The following USP15 variants were observed in gnomAD, a reference collection of about 807,000 sequenced individuals.
The protein encoded by USP15 is ubiquitin specific peptidase 15, also known as ubiquitin carboxyl-terminal hydrolase 15.
USP15 carries 18 observed loss-of-function variants against 127.1 expected under a neutral mutation model. That is an observed-to-expected ratio of 0.14 (90% CI 0.10 to 0.21). The LOEUF is 0.21. Ranked by LOEUF, USP15 falls within the 10% of genes least tolerant of loss-of-function variation. The pLI, the probability that USP15 is intolerant of heterozygous loss-of-function variation, is 1.00. For missense variants in USP15, 805 were observed against 1,159.9 expected (o/e 0.69, Z 4.44); for synonymous variants, 364 against 393.7 (o/e 0.92, Z 0.89).
chr12:62,401,544 G>A (rs187960466), intron 21 of USP15, among the ~76,000 whole-genome samples: 400 of 151,876 alleles, frequency 2.6e-3, no homozygotes, highest in Non-Finnish European at 4.2e-3. Flanking sequence ...AAATAATTAA[G>A]TTTTGCTTTG....
chr12:62,302,957 T>G (rs1256486128), intron 3 of USP15, 37 bp downstream of exon 3: 1 of 1,582,062 alleles, frequency 6.3e-7, no homozygotes, highest in Non-Finnish European at 8.6e-7. Context: ...AATATTATTT[T>G]TCTTGATTAG....
intron 21 of USP15, among the ~76,000 whole-genome samples, chr12:62,402,247 TAGAG>T (rs1002721676): frequency 8.6e-5 from 13 of 151,352 alleles, no homozygotes; most frequent in East Asian, 3.9e-4. Flanking sequence ...ATGATATATA[TAGAG>T]AGAGAGAGAT....
intron 1 of USP15, 82 bp from the exon 2 acceptor site, chr12:62,294,097 G>A: frequency 7.0e-7 from 1 of 1,429,016 alleles, no homozygotes; most frequent in Non-Finnish European, 9.5e-7. Flanking sequence ...TAATATAAAA[G>A]GAAATATCAA....
At chr12:62,267,697 T>C (rs2063230697) in intron 1 of USP15, among the ~76,000 whole-genome samples, 1 of 152,128 alleles carries the variant, frequency 6.6e-6, no homozygotes, top group Admixed American at 6.5e-5. Flanking sequence ...TAGCAAGGAC[T>C]TCTTTGTGAA....
chr12:62,328,648 T>A (rs1269083667), intron 6 of USP15, among the ~76,000 whole-genome samples: 1 of 151,222 alleles, frequency 6.6e-6, no homozygotes, highest in African/African-American at 2.4e-5. Flanking sequence ...CTGTTCAAAA[T>A]TTTTTTTTTC....
chr12:62,304,541 C>T (rs2064417443), intron 3 of USP15: 1 of 261,912 alleles, frequency 3.8e-6, no homozygotes, highest in African/African-American at 2.2e-5. Context: ...GTGTCTGAAG[C>T]CCAACTTTCA....
intron 8 of USP15, among the ~76,000 whole-genome samples, chr12:62,380,126 G>A (rs2066946061): frequency 6.6e-6 from 1 of 151,814 alleles, no homozygotes. Flanking sequence ...TATTTTCGTT[G>A]CCTAAGAATT....
intron 7 of USP15, among the ~76,000 whole-genome samples, chr12:62,354,706 A>G (rs1200728954): frequency 1.3e-5 from 2 of 151,980 alleles, no homozygotes; most frequent in Non-Finnish European, 2.9e-5. Context: ...AGAAACCAAA[A>G]GAAAGAAAAG....
At chr12:62,364,786 C>T (rs1336983863) in intron 8 of USP15, among the ~76,000 whole-genome samples, 1 of 151,900 alleles carries the variant, frequency 6.6e-6, no homozygotes, top group African/African-American at 2.4e-5. Context: ...TTTTCAACTC[C>T]CACTTATGAG....
rs1565926257 is a variant in USP15 at position 62,407,831 on chromosome 12, T to G, written c.*3456T>G. 6.6e-6 allele frequency: 1 copy of G among 152,286 alleles called. No homozygotes were observed. Among genetic ancestry groups the G allele is most frequent in the East Asian group, 1.9e-4 (1 of 5,184 alleles). The allele number at this position is 152,286 out of a possible 1,614,324, so 9.4% of individuals were successfully genotyped here. On this transcript the variant is annotated 3_prime_UTR_variant, in exon 22 of 22. Coordinates refer to ENST00000280377, the MANE Select transcript of USP15 (RefSeq NM_001252078.2). ...ATCATAGTTCACTGTAACCTTGAAC[T>G]CCTGGGTTAAAGTGATCCTCCTGCC...
intron 14 of USP15, among the ~76,000 whole-genome samples, chr12:62,390,301 A>C (rs190268162): frequency 6.6e-6 from 1 of 152,186 alleles, no homozygotes; most frequent in Non-Finnish European, 1.5e-5. Context: ...ATCATAACAA[A>C]TGTCAAATGC....
At chr12:62,401,858 T>TTG (rs3085021) in intron 21 of USP15, among the ~76,000 whole-genome samples, 123,309 of 146,900 alleles carry the variant, frequency 0.84, 51,882 homozygotes, top group Middle Eastern at 0.89. Flanking sequence ...CAGTATGGGT[T>TTG]TGTGTGTGTG....
At chr12:62,298,830 CAAAA>C (rs1163091790) in intron 2 of USP15, among the ~76,000 whole-genome samples, 2 of 65,062 alleles carry the variant, frequency 3.1e-5, no homozygotes. Context: ...CCCTGTCTTG[CAAAA>C]AAAAAAAAAA....
intron 1 of USP15, among the ~76,000 whole-genome samples, chr12:62,265,807 A>G (rs1461103547): frequency 6.6e-6 from 1 of 152,182 alleles, no homozygotes; most frequent in Non-Finnish European, 1.5e-5. Flanking sequence ...TCAGCCTCGC[A>G]AGTATTAATA....
chr12:62,355,244 A>G lies in USP15; in HGVS notation c.771-87A>G, dbSNP rs1242998276. The G allele has an allele frequency of 4.3e-6, 5 of 1,167,908 alleles. No individual in the cohort carries two copies. The South Asian group carries it at 5.9e-5, about 14-fold the overall frequency. 72.3% of individuals were successfully genotyped at this position (1,167,908 alleles called of 1,614,324 possible). ...TAAAAGAAATGTAATGATCAACCAC[A>G]TATCTCATAAATAGGCCTAAAGTAC... On this transcript the variant is annotated intron_variant, in intron 7 of 21. Transcript: ENST00000280377.
intron 7 of USP15, among the ~76,000 whole-genome samples, chr12:62,354,231 A>G (rs944670288): frequency 3.3e-5 from 5 of 151,908 alleles, no homozygotes; most frequent in African/African-American, 1.2e-4. Flanking sequence ...AGAGCGTCCT[A>G]TATGGAATAA....
In USP15 at chr12:62,399,647, T is replaced by A. The variant is rs538345008; in HGVS notation, c.2675-1540T>A. On this transcript the variant is annotated intron_variant, in intron 20 of 21. Transcript: ENST00000280377. ...CTCAATTTTTTTTTGTTAGTTCCTTTGACTCTAACTTCCATCTCTTTCTAC... is the reference window on the plus strand; with the variant it reads ...CTCAATTTTTTTTTGTTAGTTCCTTAGACTCTAACTTCCATCTCTTTCTAC... Among the ~76,000 whole-genome samples the A allele has an allele frequency of 3.8e-3, 577 of 152,310 alleles. 3 individuals are homozygous for A. Among genetic ancestry groups the A allele is most frequent in the Middle Eastern group, 6.8e-3 (2 of 294 alleles).
intron 11 of USP15, among the ~76,000 whole-genome samples, chr12:62,385,963 C>T (rs2067135388): frequency 6.6e-6 from 1 of 151,932 alleles, no homozygotes; most frequent in Admixed American, 6.6e-5. Flanking sequence ...TAATCTATAT[C>T]AATAGTGGCA....
At chr12:62,355,734 A>G (rs1456996585) in intron 8 of USP15, among the ~76,000 whole-genome samples, 1 of 151,708 alleles carries the variant, frequency 6.6e-6, no homozygotes, top group Non-Finnish European at 1.5e-5. Flanking sequence ...ATCAGACAGA[A>G]AACTTAAGCT....
Sources: allele counts gnomAD v4.1 joint callset (sites outside exome capture counted in the v4.1 genomes callset), GRCh38; gene constraint gnomAD v4.1.1; transcripts MANE v1.5; gene names NCBI Gene and HGNC (gene_info 2026-07-23, HGNC 2026-07-21).